Variants in COL12A1 observed in about 807,000 individuals in gnomAD.
COL12A1 encodes the protein collagen alpha-1(XII) chain.
A neutral mutation model predicts 349.7 loss-of-function variants in COL12A1; 114 were observed. The ratio of observed to expected loss-of-function variants is 0.33; its 90% CI spans 0.28 to 0.38. COL12A1 has a LOEUF of 0.38. Ranked by LOEUF, COL12A1 falls within the 10% of genes least tolerant of loss-of-function variation. The pLI is 1.00. For missense variants in COL12A1, 3,284 were observed against 3,756.9 expected, an observed-to-expected ratio of 0.87 and a Z score of 3.29; for synonymous variants, 1,369 against 1,329.0, an observed-to-expected ratio of 1.03 and a Z score of -0.66.
At chr6:75,191,787 A>G (rs1389963251) in intron 4 of COL12A1, 27 bp from the exon 5 acceptor site, 9 of 1,496,132 alleles carry the variant, frequency 6.0e-6, no homozygotes, top group Non-Finnish European at 8.2e-6. Context: ...TTATTACAAA[A>G]GGAAATGAAC....
chr6:75,124,294 C>T lies in COL12A1; in HGVS notation c.6685G>A (p.Ala2229Thr), dbSNP rs1456377767. ...AGTTTTAGCCTGTAGGAGGTGGCTGCCCGGTGAGGTGACCATTTGACACAG... is the reference window on the plus strand; with the variant it reads ...AGTTTTAGCCTGTAGGAGGTGGCTGTCCGGTGAGGTGACCATTTGACACAG... Reference protein sequence around the residue: ...TFCVKWSPHRAATSYRLKLSP... With the variant: ...TFCVKWSPHRTATSYRLKLSP... The change falls in exon 41 of 66, where the codon GCA becomes ACA. Residue 2229 changes from alanine (A) to threonine (T), a missense_variant. Transcript: ENST00000322507. The T allele has an allele frequency of 1.2e-6, 2 of 1,613,722 alleles. No individual in the cohort carries two copies. Among genetic ancestry groups the T allele is most frequent in the Non-Finnish European group, 1.7e-6 (2 of 1,179,812 alleles).
chr6:75,130,945 C>A lies in COL12A1; in HGVS notation c.5974G>T (p.Glu1992Ter). The A allele has an allele frequency of 1.2e-6, 2 of 1,614,138 alleles. No individual in the cohort carries two copies. Among genetic ancestry groups the A allele is most frequent in the Non-Finnish European group, 1.7e-6 (2 of 1,180,014 alleles). Residue 1992 changes from glutamate (E) to a stop codon, truncating the protein, a stop_gained, in exon 36 of 66, where the codon GAG (glutamate) becomes TAG (stop). Coordinates refer to ENST00000322507, the MANE Select transcript of COL12A1 (RefSeq NM_004370.6). LOFTEE classifies it high-confidence loss of function. The stretch of plus-strand genomic sequence containing the variant: ...TAGAGTGTGTCCGGAATCAGCCGCT[C>A]CAGATGCACCATGCGCGTGTTTCCT... Reference protein sequence around the residue: ...VPGNTRMVHLERLIPDTLYSV... With the variant: ...VPGNTRMVHL
chr6:75,175,973 T>A (rs191436467), intron 12 of COL12A1, among the ~76,000 whole-genome samples: 18 of 152,232 alleles, frequency 1.2e-4, no homozygotes, highest in Admixed American at 1.0e-3. Flanking sequence ...CACTCTCCAC[T>A]GAGCATATAA....
rs1217280037 is a variant in COL12A1, at chr6:75,155,652, T to A, written c.3443+10A>T. The A allele has an allele frequency of 2.5e-6, 4 of 1,594,358 alleles. No individual in the cohort carries two copies. Among genetic ancestry groups the A allele is most frequent in the Admixed American group, 3.7e-5 (2 of 54,670 alleles). On this transcript the variant is annotated intron_variant, in intron 16 of 65. Transcript: ENST00000322507. ...TTTCATCCTTTGATACAAACGTAGT[T>A]AATTCCTACCTAAGTTCCTCCAAAA...
chr6:75,161,658 C>G (rs938961622), intron 14 of COL12A1, among the ~76,000 whole-genome samples: 2 of 152,080 alleles, frequency 1.3e-5, no homozygotes, highest in Non-Finnish European at 2.9e-5. Context: ...CTGGCCAAGG[C>G]AATCAGGCAA....
At chr6:75,143,995 T>C (rs1767049255) in intron 25 of COL12A1, among the ~76,000 whole-genome samples, 1 of 152,194 alleles carries the variant, frequency 6.6e-6, no homozygotes, top group African/African-American at 2.4e-5. Flanking sequence ...ATGAGATGTA[T>C]TTCACTCTTT....
chr6:75,102,873 G>C lies in COL12A1; in HGVS notation c.8320-181C>G, dbSNP rs140055621. Among the ~76,000 whole-genome samples the C allele has an allele frequency of 3.0e-3, 459 of 152,180 alleles. 2 individuals are homozygous for C. Among genetic ancestry groups the C allele is most frequent in the Middle Eastern group, 0.017 (5 of 294 alleles). On this transcript the variant is annotated intron_variant, in intron 55 of 65. Transcript: ENST00000322507. ...AATTTCTTCCCTTTACTATTGAAAA[G>C]TACGATAAATTTACAAGAACACTTA... is the stretch of plus-strand genomic sequence containing the variant.
Position 75,113,701 on chromosome 6 carries a change from A to G in COL12A1, c.7741T>C (p.Leu2581=). The G allele has an allele frequency of 6.2e-7, 1 of 1,606,132 alleles. No homozygotes were observed. The highest frequency in any genetic ancestry group is 1.1e-5 in the South Asian group (1 of 90,006). The part of the protein sequence containing the change: ...NGLPPSYTII[L]LFRLLPETPS... Reference sequence around the variant, plus strand: ...GTTTCTGGGAGAAGTCTGAATAATAATATAATCGTGTATGAAGGAGGGAGT... The same window carrying G: ...GTTTCTGGGAGAAGTCTGAATAATAGTATAATCGTGTATGAAGGAGGGAGT... Residue 2581 remains leucine, a synonymous_variant, in exon 50 of 66, where the codon TTA becomes CTA. Transcript: ENST00000322507.
intron 7 of COL12A1, 115 bp from the exon 8 acceptor site, chr6:75,188,650 G>A: frequency 8.7e-7 from 1 of 1,155,190 alleles, no homozygotes; most frequent in East Asian, 2.4e-5. Context: ...TCGTCATTAA[G>A]TCATAAGCCA....
intron 17 of COL12A1, among the ~76,000 whole-genome samples, chr6:75,153,132 T>C (rs965965860): frequency 1.3e-5 from 2 of 152,140 alleles, no homozygotes; most frequent in African/African-American, 4.8e-5. Context: ...TATCTAGCTA[T>C]TAATCATTTA....
chr6:75,097,346 T>C, intron 58 of COL12A1, 40 bp from the exon 59 acceptor site: 2 of 1,553,842 alleles, frequency 1.3e-6, no homozygotes, highest in Non-Finnish European at 1.8e-6. Context: ...AGGGAGGTCA[T>C]AAGCAAGTGA....
chr6:75,174,915 T>C lies in COL12A1; in HGVS notation c.2710+123A>G, dbSNP rs1436087186. On this transcript the variant is annotated intron_variant, in intron 13 of 65. Coordinates refer to ENST00000322507, the MANE Select transcript of COL12A1 (RefSeq NM_004370.6). Reference sequence around the variant, plus strand: ...CTTTATGGTTATTTGTTTTTCAATATGGATTCTTTTTAAGAGAAAGGATTG... The same window carrying C: ...CTTTATGGTTATTTGTTTTTCAATACGGATTCTTTTTAAGAGAAAGGATTG... 4 of 1,110,390 alleles carry C rather than the reference T, an allele frequency of 3.6e-6. 1 individual carries two copies. In the South Asian group the frequency reaches 4.7e-5, roughly 13 times the overall value. The allele number at this position is 1,110,390 out of a possible 1,614,324, so 68.8% of individuals were successfully genotyped here.
chr6:75,126,111 A>G (rs1419973384), intron 39 of COL12A1, among the ~76,000 whole-genome samples: 1 of 152,144 alleles, frequency 6.6e-6, no homozygotes, highest in Non-Finnish European at 1.5e-5. Flanking sequence ...AACTTTATGA[A>G]CCAAGTCAAA....
rs184091992 is a variant in COL12A1 at position 75,116,634 on chromosome 6, T to G, written c.7520-577A>C. Among the ~76,000 whole-genome samples the G allele has an allele frequency of 9.1e-4, 138 of 152,324 alleles. 1 individual carries two copies. The highest frequency in any genetic ancestry group is 1.4e-3 in the Non-Finnish European group (96 of 68,020). ...CCACTCCGAACTTCAGCATAAATTTTCATAGTAAACCAACAAAGTCTGTTT... is the reference window on the plus strand; with the variant it reads ...CCACTCCGAACTTCAGCATAAATTTGCATAGTAAACCAACAAAGTCTGTTT... On this transcript the variant is annotated intron_variant, in intron 47 of 65. Coordinates refer to ENST00000322507, the MANE Select transcript of COL12A1 (RefSeq NM_004370.6).
intron 59 of COL12A1, among the ~76,000 whole-genome samples, chr6:75,096,683 T>G (rs1356725242): frequency 1.3e-5 from 2 of 151,784 alleles, no homozygotes; most frequent in African/African-American, 4.8e-5. Context: ...GATCACGAGG[T>G]CAGGAGATCG....
intron 46 of COL12A1, 46 bp from the exon 47 acceptor site, chr6:75,117,592 T>A (rs769209870): frequency 6.3e-7 from 1 of 1,587,520 alleles, no homozygotes; most frequent in South Asian, 1.1e-5. Flanking sequence ...TCTTTTTCTG[T>A]CCTTGTTGTT....
intron 27 of COL12A1, 108 bp downstream of exon 27, chr6:75,141,924 A>T: frequency 1.5e-6 from 2 of 1,371,368 alleles, no homozygotes; most frequent in Non-Finnish European, 2.0e-6. Flanking sequence ...AAGCATTATT[A>T]AACACTGGCA....
chr6:75,120,670 G>A (rs1204309362), intron 44 of COL12A1, among the ~76,000 whole-genome samples: 10 of 152,062 alleles, frequency 6.6e-5, no homozygotes, highest in Admixed American at 4.6e-4. Flanking sequence ...AATTTTAATT[G>A]GGTCTTTTAA....
intron 60 of COL12A1, among the ~76,000 whole-genome samples, 194 bp from the exon 61 acceptor site, chr6:75,091,719 T>TTCTC (rs371292617): frequency 1.3e-5 from 2 of 150,506 alleles, no homozygotes; most frequent in African/African-American, 4.9e-5. Context: ...CTCTCTCTCT[T>TTCTC]TCTCTCTCTC....
Sources: gnomAD v4.1 joint callset for allele counts (sites outside exome capture counted in the v4.1 genomes callset) on GRCh38, gnomAD v4.1.1 for gene constraint, MANE v1.5 for transcripts, NCBI Gene and HGNC (gene_info 2026-07-23, HGNC 2026-07-21) for gene names.